The following DNAH7 variants were observed in gnomAD, a reference collection of about 807,000 sequenced individuals.
The protein encoded by DNAH7 is axonemal beta dynein heavy chain 7.
A neutral mutation model predicts 444.6 loss-of-function variants in DNAH7; 397 were observed. That is an observed-to-expected ratio of 0.89 (90% confidence interval 0.82 to 0.97). The LOEUF (loss-of-function observed/expected upper bound fraction) is 0.97. Ranked by LOEUF, DNAH7 falls within the 50% of genes least tolerant of loss-of-function variation. DNAH7 has a pLI of 0.00. For missense variants in DNAH7, 4,902 were observed against 4,800.8 expected (o/e 1.02, Z -0.62); for synonymous variants, 1,636 against 1,624.4 (o/e 1.01, Z -0.17).
At chr2:196,005,298 ACAAAC>A (rs1559326791) in intron 10 of DNAH7, among the ~76,000 whole-genome samples, 28 of 148,724 alleles carry the variant, frequency 1.9e-4, no homozygotes, top group African/African-American at 6.4e-4. Context: ...AAACAAACAA[ACAAAC>A]AAAAATATAT....
At chr2:195,806,857 A>C (rs749901029) in intron 53 of DNAH7, 25 bp from the exon 54 acceptor site, 2 of 1,580,968 alleles carry the variant, frequency 1.3e-6, no homozygotes, top group Non-Finnish European at 1.7e-6. Flanking sequence ...TAAATAATTC[A>C]GTTATTTTGG....
chr2:196,003,227 A>G (rs113353659), intron 10 of DNAH7, among the ~76,000 whole-genome samples: 179 of 151,990 alleles, frequency 1.2e-3, no homozygotes, highest in African/African-American at 4.3e-3. Flanking sequence ...AAAGTGGAAG[A>G]ATTATAAAGA....
At chr2:196,014,223 AT>A (rs1694880992) in intron 9 of DNAH7, among the ~76,000 whole-genome samples, 1 of 152,198 alleles carries the variant, frequency 6.6e-6, no homozygotes, top group South Asian at 2.1e-4. Context: ...AGTTTAAATC[AT>A]TGGTTTAAGA....
At chr2:195,768,744 A>G (rs1424164353) in intron 61 of DNAH7, among the ~76,000 whole-genome samples, 1 of 152,208 alleles carries the variant, frequency 6.6e-6, no homozygotes, top group Non-Finnish European at 1.5e-5. Context: ...GAGTCCTTCT[A>G]TAATTGCAAT....
intron 6 of DNAH7, 133 bp downstream of exon 6, chr2:196,027,827 T>A: frequency 1.4e-6 from 1 of 698,092 alleles, no homozygotes; most frequent in South Asian, 3.1e-5. Context: ...TGCCTTTTTA[T>A]AGAACTCTGT....
In DNAH7 at chr2:196,046,873, A is replaced by T. The variant is rs536332624; in HGVS notation, c.398+479T>A. Among the ~76,000 whole-genome samples the T allele has an allele frequency of 4.6e-5, 7 of 152,330 alleles. No individual in the cohort carries two copies. The South Asian group carries it at 1.5e-3, about 32-fold the overall frequency. On this transcript the variant is annotated intron_variant, in intron 5 of 64. Transcript: ENST00000312428. ...ACTAGCACAAAGCGGTGTGGAAACA[A>T]GGCAAAGAAGAGCTGGTGACTTGCA...
At chr2:195,839,614 C>G (rs1159317923) in intron 47 of DNAH7, among the ~76,000 whole-genome samples, 1 of 151,658 alleles carries the variant, frequency 6.6e-6, no homozygotes, top group Non-Finnish European at 1.5e-5. Context: ...TTATCAAACT[C>G]TAGCCAGATT....
intron 29 of DNAH7, 29 bp downstream of exon 29, chr2:195,897,638 T>C (rs759225895): frequency 1.6e-6 from 2 of 1,268,396 alleles, no homozygotes; most frequent in South Asian, 1.3e-5. Flanking sequence ...ATAAGAGTTT[T>C]GATGCATTGG....
At chr2:196,058,428 C>A (rs1404689344) in intron 1 of DNAH7, among the ~76,000 whole-genome samples, 1 of 152,158 alleles carries the variant, frequency 6.6e-6, no homozygotes, top group Non-Finnish European at 1.5e-5. Context: ...ATGGAAGCTC[C>A]GCACCCAGGA....
intron 63 of DNAH7, among the ~76,000 whole-genome samples, chr2:195,744,244 C>T (rs1276057325): frequency 3.9e-5 from 6 of 152,226 alleles, no homozygotes; most frequent in East Asian, 1.9e-4. Flanking sequence ...CCTACGCCCA[C>T]GGAGTCTCGC....
At chr2:196,010,635 C>T (rs538430625) in intron 10 of DNAH7, among the ~76,000 whole-genome samples, 13 of 152,266 alleles carry the variant, frequency 8.5e-5, no homozygotes, top group African/African-American at 2.4e-4. Context: ...ATGTTTATTG[C>T]AGCACTGTTC....
intron 19 of DNAH7, among the ~76,000 whole-genome samples, chr2:195,941,451 CAAAAAAA>C (rs1207029040): frequency 1.8e-5 from 1 of 56,784 alleles, no homozygotes; most frequent in Non-Finnish European, 4.1e-5. Flanking sequence ...ACCTAGATGA[CAAAAAAA>C]AAAAAAAAAA....
intron 17 of DNAH7, among the ~76,000 whole-genome samples, chr2:195,961,981 C>T (rs923066625): frequency 9.2e-5 from 14 of 152,194 alleles, no homozygotes; most frequent in African/African-American, 2.9e-4. Flanking sequence ...CTATAAAATG[C>T]TAACACCCAG....
intron 10 of DNAH7, among the ~76,000 whole-genome samples, chr2:196,011,217 C>T (rs573839926): frequency 4.2e-4 from 64 of 152,112 alleles, no homozygotes; most frequent in African/African-American, 1.5e-3. Context: ...TGCTAATTAC[C>T]CTAATTGAAT....
intron 60 of DNAH7, among the ~76,000 whole-genome samples, chr2:195,775,625 T>A (rs77440013): frequency 1.4e-5 from 2 of 146,220 alleles, no homozygotes; most frequent in African/African-American, 5.0e-5. Context: ...AGAATATATC[T>A]GGGTTCCCAA....
At chr2:196,012,928 A>G in intron 9 of DNAH7, 22 bp from the exon 10 acceptor site, 1 of 1,442,196 alleles carries the variant, frequency 6.9e-7, no homozygotes, top group Non-Finnish European at 9.2e-7. Context: ...AAAAATAAAC[A>G]GTAATTTAAC....
At chr2:195,758,738 G>T (rs1475644891) in intron 61 of DNAH7, among the ~76,000 whole-genome samples, 1 of 152,210 alleles carries the variant, frequency 6.6e-6, no homozygotes, top group African/African-American at 2.4e-5. Flanking sequence ...TTGTAGGAGG[G>T]AGAGCACAAT....
At chr2:195,891,015 A>C (rs549068552) in intron 31 of DNAH7, among the ~76,000 whole-genome samples, 1 of 152,334 alleles carries the variant, frequency 6.6e-6, no homozygotes, top group South Asian at 2.1e-4. Flanking sequence ...ACCTGCTAAA[A>C]TATGGCAACC....
At chr2:195,810,053 C>T (rs1696891814) in intron 51 of DNAH7, among the ~76,000 whole-genome samples, 182 bp from the exon 52 acceptor site, 1 of 152,000 alleles carries the variant, frequency 6.6e-6, no homozygotes, top group Admixed American at 6.6e-5. Flanking sequence ...ACACTTCAGT[C>T]CAATTGCATT....
Sources: gnomAD v4.1 joint callset for allele counts (sites outside exome capture counted in the v4.1 genomes callset) on GRCh38, gnomAD v4.1.1 for gene constraint, MANE v1.5 for transcripts, NCBI Gene and HGNC (gene_info 2026-07-23, HGNC 2026-07-21) for gene names.